The following HPCA variants were observed in gnomAD, a reference collection of about 807,000 sequenced individuals.
The protein encoded by HPCA is neuron-specific calcium-binding protein hippocalcin.
HPCA carries 4 observed loss-of-function variants against 18.2 expected under a neutral mutation model. The observed-to-expected ratio is 0.22, with a 90% CI of 0.11 to 0.50. The LOEUF (loss-of-function observed/expected upper bound fraction) is 0.50. Among genes scored for constraint, HPCA ranks in the 20% least tolerant of loss-of-function variants. HPCA has a pLI of 0.97. For missense variants in HPCA, 161 were observed against 265.8 expected, an observed-to-expected ratio of 0.61 and a Z score of 2.74; for synonymous variants, 93 against 103.5, an observed-to-expected ratio of 0.90 and a Z score of 0.61.
In HPCA at chr1:32,886,863, T is replaced by C. The variant is rs1293532126; in HGVS notation, c.-22+348T>C. On this transcript the variant is annotated intron_variant, in intron 1 of 3. Coordinates refer to ENST00000373467, the MANE Select transcript of HPCA (RefSeq NM_002143.3). The surrounding 1 kb of genome is among the most constrained non-coding windows in gnomAD (Gnocchi z 7.0). ...CCGGGGCTGGCTTCTCAGGTCGAGC[T>C]GAGGGGGTTCTTCCCATATGGGGGA... Among the ~76,000 whole-genome samples the C allele has an allele frequency of 6.6e-6, 1 of 152,070 alleles. No individual in the cohort carries two copies. The highest frequency in any genetic ancestry group is 1.5e-5 in the Non-Finnish European group (1 of 67,992).
chr1:32,892,066 G>A (rs1236384305), intron 2 of HPCA, among the ~76,000 whole-genome samples: 1 of 152,198 alleles, frequency 6.6e-6, no homozygotes, highest in Non-Finnish European at 1.5e-5. Flanking sequence ...CCCCTGATAA[G>A]TGGTACTTAG....
chr1:32,894,151 C>A lies in HPCA; in HGVS notation c.*289C>A. 2.4e-6 allele frequency: 1 copy of A among 416,630 alleles called. No homozygotes were observed. The highest frequency in any genetic ancestry group is 3.9e-5 in the East Asian group (1 of 25,922). 25.8% of individuals were successfully genotyped at this position (416,630 alleles called of 1,614,324 possible). On this transcript the variant is annotated 3_prime_UTR_variant, in exon 4 of 4. Coordinates refer to ENST00000373467, the MANE Select transcript of HPCA (RefSeq NM_002143.3). ...CCACCAGCCCCAAGGCCCGACCCCT[C>A]CCCCAAAGGGGCAGTCCCCTTCTTG...
chr1:32,893,705 TCCGCCTCCCCTCGCTAGGCTG>T lies in HPCA; in HGVS notation c.485-51_485-31del, dbSNP rs376843764. 9.8e-5 allele frequency: 96 copies of T among 982,714 alleles called. No individual in the cohort carries two copies. In the African/African-American group the frequency reaches 1.4e-3, roughly 15 times the overall value. The allele number at this position is 982,714 out of a possible 1,614,324, so 60.9% of individuals were successfully genotyped here. A position where few individuals can be genotyped will look rare whatever the true frequency, so the allele number is the denominator to read the frequency against. ...CTCCCTCCCTGCCTCCCTTTCCCGC[TCCGCCTCCCCTCGCTAGGCTG>T]CCGCCTCCTCCCCCATCACCGCTCC... On this transcript the variant is annotated intron_variant, in intron 3 of 3. Coordinates refer to ENST00000373467, the MANE Select transcript of HPCA (RefSeq NM_002143.3). The surrounding 1 kb of genome is among the most constrained non-coding windows in gnomAD (Gnocchi z 7.5).
In HPCA at chr1:32,893,986, T is replaced by G; in HGVS notation, c.*124T>G. 1.4e-6 allele frequency: 1 copy of G among 728,810 alleles called. No homozygotes were observed. Among genetic ancestry groups the G allele is most frequent in the Non-Finnish European group, 2.2e-6 (1 of 448,178 alleles). 45.1% of individuals were successfully genotyped at this position (728,810 alleles called of 1,614,324 possible). ...GAAGCCCTTCTCCCCGGGTCTGCCC[T>G]GTGGGGGGCTTCCGGAAAAGGGAAC... On this transcript the variant is annotated 3_prime_UTR_variant, in exon 4 of 4. Coordinates refer to ENST00000373467, the MANE Select transcript of HPCA (RefSeq NM_002143.3). This position sits in a 1 kb window ranked among gnomAD's most constrained non-coding sequence, Gnocchi z 7.5.
chr1:32,891,437 T>C (rs1641452189), intron 2 of HPCA, among the ~76,000 whole-genome samples: 1 of 152,152 alleles, frequency 6.6e-6, no homozygotes, highest in African/African-American at 2.4e-5. Context: ...GGGCTCCCAC[T>C]CTGGTGGGGG....
At position 32,893,212 on chromosome 1, in the gene HPCA, G is replaced by C. The variant is rs1317118260; in HGVS notation, c.379-312G>C. On this transcript the variant is annotated intron_variant, in intron 2 of 3. Transcript: ENST00000373467. This position sits in a 1 kb window ranked among gnomAD's most constrained non-coding sequence, Gnocchi z 7.5. ...CGCCGCTCCAGGCCCTCCACTGTCGGGCCCCGGTGTCCTCCAACATCTCTC... is the reference window on the plus strand; with the variant it reads ...CGCCGCTCCAGGCCCTCCACTGTCGCGCCCCGGTGTCCTCCAACATCTCTC... Among the ~76,000 whole-genome samples the C allele has an allele frequency of 6.6e-6, 1 of 151,988 alleles. No homozygotes were observed. Among genetic ancestry groups the C allele is most frequent in the African/African-American group, 2.4e-5 (1 of 41,404 alleles).
At chr1:32,887,771 G>A (rs1038675836) in intron 1 of HPCA, among the ~76,000 whole-genome samples, 22 of 152,148 alleles carry the variant, frequency 1.4e-4, no homozygotes, top group African/African-American at 4.3e-4. Flanking sequence ...GCGAGTTGGC[G>A]TGTGATGGCA....
chr1:32,891,699 T>C (rs1641455414), intron 2 of HPCA, among the ~76,000 whole-genome samples: 1 of 152,154 alleles, frequency 6.6e-6, no homozygotes, highest in African/African-American at 2.4e-5. Context: ...TAGTGAGTAG[T>C]TCAACCAGGA....
chr1:32,889,355 A>C lies in HPCA; in HGVS notation c.378+79A>C. The C allele has an allele frequency of 7.0e-7, 1 of 1,430,900 alleles. No individual in the cohort carries two copies. The highest frequency in any genetic ancestry group is 1.4e-5 in the South Asian group (1 of 72,920). The allele number at this position is 1,430,900 out of a possible 1,614,324, so 88.6% of individuals were successfully genotyped here. ...CACCACCCCTTTTGATCCTCTCAGC[A>C]GACCTCGTAGGCATGTGGTGGCAGG... On this transcript the variant is annotated intron_variant, in intron 2 of 3. Transcript: ENST00000373467. This position sits in a 1 kb window ranked among gnomAD's most constrained non-coding sequence, Gnocchi z 4.6.
rs1187288643 is a variant in HPCA, at chr1:32,889,176, C to T, written c.278C>T (p.Ser93Leu). ...TTCATCATTGCGCTGAGCGTGACCT[C>T]GCGCGGCCGCCTGGAGCAGAAGCTC... ...REFIIALSVT[S>L]RGRLEQKLMW... The change falls in exon 2 of 4, where the codon TCG becomes TTG. Residue 93 changes from serine (S) to leucine (L), a missense_variant. By Grantham distance (145) the Ser-to-Leu change is moderately radical. Transcript: ENST00000373467. This position sits in a 1 kb window ranked among gnomAD's most constrained non-coding sequence, Gnocchi z 4.6. 9.9e-6 allele frequency: 16 copies of T among 1,614,154 alleles called. No individual in the cohort carries two copies. Among genetic ancestry groups the T allele is most frequent in the African/African-American group, 2.7e-5 (2 of 74,956 alleles).
intron 2 of HPCA, among the ~76,000 whole-genome samples, chr1:32,892,869 C>T (rs1360902625): frequency 1.3e-5 from 2 of 152,212 alleles, no homozygotes; most frequent in African/African-American, 4.8e-5. Flanking sequence ...CTCTCTTTCA[C>T]GTCGCCTCGG....
chr1:32,891,093 G>A (rs1231272309), intron 2 of HPCA, among the ~76,000 whole-genome samples: 1 of 152,238 alleles, frequency 6.6e-6, no homozygotes, highest in Non-Finnish European at 1.5e-5. Context: ...TCCTGCTGGA[G>A]CCACCACGCC....
At position 32,893,603 on chromosome 1, in the gene HPCA, TC is replaced by T; in HGVS notation, c.460del (p.Arg154AlafsTer59). 6.4e-7 allele frequency: 1 copy of T among 1,570,834 alleles called. No individual in the cohort carries two copies. Among genetic ancestry groups the T allele is most frequent in the Non-Finnish European group, 8.7e-7 (1 of 1,143,370 alleles). On this transcript the variant is annotated frameshift_variant, in exon 3 of 4. Coordinates refer to ENST00000373467, the MANE Select transcript of HPCA (RefSeq NM_002143.3). LOFTEE classifies it high-confidence loss of function. This position sits in a 1 kb window ranked among gnomAD's most constrained non-coding sequence, Gnocchi z 7.5. ...CCGGAAAAGAGGACTGAGAAAATCT[TC>T]CGCCAAATGGACACAAACAACGACG... ...STPEKRTEKIFRQMDTNNDGK... is the reference protein window; with the variant it reads ...STPEKRTEKIXRQMDTNNDGK...
Position 32,893,174 on chromosome 1 carries a change from G to A in HPCA, c.379-350G>A, listed in dbSNP as rs1570023931. Among the ~76,000 whole-genome samples the A allele has an allele frequency of 6.6e-6, 1 of 151,190 alleles. No individual in the cohort carries two copies. Among genetic ancestry groups the A allele is most frequent in the Non-Finnish European group, 1.5e-5 (1 of 67,678 alleles). On this transcript the variant is annotated intron_variant, in intron 2 of 3. Transcript: ENST00000373467. This position sits in a 1 kb window ranked among gnomAD's most constrained non-coding sequence, Gnocchi z 7.5. ...CCCCGACGCGCGTGCCCCGGGGCACGCGCTCCTGAGCCCGCCGCTCCAGGC... is the reference window on the plus strand; with the variant it reads ...CCCCGACGCGCGTGCCCCGGGGCACACGCTCCTGAGCCCGCCGCTCCAGGC...
Position 32,894,596 on chromosome 1 carries a change from A to C in HPCA, c.*734A>C. 1.9e-6 allele frequency: 1 copy of C among 534,626 alleles called. No homozygotes were observed. The highest frequency in any genetic ancestry group is 1.9e-5 in the African/African-American group (1 of 52,508). 33.1% of individuals were successfully genotyped at this position (534,626 alleles called of 1,614,324 possible). A position where few individuals can be genotyped will look rare whatever the true frequency, so the allele number is the denominator to read the frequency against. On this transcript the variant is annotated 3_prime_UTR_variant, in exon 4 of 4. Coordinates refer to ENST00000373467, the MANE Select transcript of HPCA (RefSeq NM_002143.3). ...GCCCCCCCTGCATGCAGCCAAATGG[A>C]GCATCTCTGTTCTTTTTAATAATTT...
chr1:32,886,648 G>T lies in HPCA; in HGVS notation c.-22+133G>T, dbSNP rs955971169. 6.6e-6 allele frequency: 1 copy of T among 152,242 alleles called. No homozygotes were observed. Among genetic ancestry groups the T allele is most frequent in the African/African-American group, 2.4e-5 (1 of 41,446 alleles). 9.4% of individuals were successfully genotyped at this position (152,242 alleles called of 1,614,324 possible). ...GGAATCCTTGCCCCGGGTGGCGGGG[G>T]CGCTGGGGACTGGGAAGCGCGCGGT... On this transcript the variant is annotated intron_variant, in intron 1 of 3. Transcript: ENST00000373467. This position sits in a 1 kb window ranked among gnomAD's most constrained non-coding sequence, Gnocchi z 7.0.
intron 2 of HPCA, among the ~76,000 whole-genome samples, chr1:32,892,016 T>C (rs1641460354): frequency 6.6e-6 from 1 of 152,104 alleles, no homozygotes; most frequent in Non-Finnish European, 1.5e-5. Flanking sequence ...TTGCGTGAGG[T>C]TTAGAAATAG....
At chr1:32,888,369 G>C in intron 1 of HPCA, among the ~76,000 whole-genome samples, 1 of 152,206 alleles carries the variant, frequency 6.6e-6, no homozygotes, top group East Asian at 1.9e-4. Flanking sequence ...GGTATATTCA[G>C]TGCTGAGCAG....
chr1:32,894,513 G>A lies in HPCA; in HGVS notation c.*651G>A, dbSNP rs1641535037. The A allele has an allele frequency of 2.4e-6, 1 of 415,500 alleles. No individual in the cohort carries two copies. Among genetic ancestry groups the A allele is most frequent in the Non-Finnish European group, 4.5e-6 (1 of 224,388 alleles). 25.7% of individuals were successfully genotyped at this position (415,500 alleles called of 1,614,324 possible). Reference sequence around the variant, plus strand: ...GAGCCCCATGCACAGTGTCCTGCGTGGGAAAGAGACACGGTCCCCCTGGCT... The same window carrying A: ...GAGCCCCATGCACAGTGTCCTGCGTAGGAAAGAGACACGGTCCCCCTGGCT... On this transcript the variant is annotated 3_prime_UTR_variant, in exon 4 of 4. Transcript: ENST00000373467.
Sources: gnomAD v4.1 joint callset for allele counts (sites outside exome capture counted in the v4.1 genomes callset) on GRCh38, gnomAD v4.1.1 for gene constraint, Gnocchi (gnomAD v3.1) non-coding constraint, MANE v1.5 for transcripts, NCBI Gene and HGNC (gene_info 2026-07-23, HGNC 2026-07-21) for gene names.